DIAPH3: variants seen among roughly 807,000 people sequenced by gnomAD.
DIAPH3 encodes the protein diaphanous related formin 3.
Under a neutral mutation model 144.3 loss-of-function variants are expected in DIAPH3, and 117 were observed. The ratio of observed to expected loss-of-function variants is 0.81; its 90% CI spans 0.70 to 0.95. The LOEUF (loss-of-function observed/expected upper bound fraction) is 0.95, where lower values mean the gene tolerates loss of function less well. Ranked by LOEUF, DIAPH3 falls within the 40% of genes least tolerant of loss-of-function variation. DIAPH3 has a pLI of 0.00. For missense variants in DIAPH3, 1,421 were observed against 1,412.7 expected (o/e 1.01, Z -0.09); for synonymous variants, 519 against 488.9 (o/e 1.06, Z -0.81).
chr13:59,938,287 G>A (rs1444295133), intron 17 of DIAPH3, among the ~76,000 whole-genome samples: 1 of 152,058 alleles, frequency 6.6e-6, no homozygotes, highest in East Asian at 1.9e-4. Context: ...CTTCTGGCTG[G>A]AGCTTGTGTT....
intron 20 of DIAPH3, among the ~76,000 whole-genome samples, chr13:59,881,164 T>A (rs1566460032): frequency 6.6e-6 from 1 of 151,798 alleles, no homozygotes; most frequent in African/African-American, 2.4e-5. Context: ...ATATTATATT[T>A]TAAGACAGAT....
Position 59,969,250 on chromosome 13 carries a change from C to T in DIAPH3, c.2074+694G>A, listed in dbSNP as rs1358621335. 3.9e-5 allele frequency among the ~76,000 whole-genome samples: 6 copies of T among 152,172 alleles called. No individual in the cohort carries two copies. The East Asian group carries it at 1.2e-3, about 29-fold the overall frequency. On this transcript the variant is annotated intron_variant, in intron 17 of 27. Coordinates refer to ENST00000400324, the MANE Select transcript of DIAPH3 (RefSeq NM_001042517.2). ...CACAAAACATTTTGGAAAATGAATG[C>T]CATTGCTTTTAATGAAAAGATCATA...
At chr13:59,939,551 TAA>T (rs1221848393) in intron 17 of DIAPH3, among the ~76,000 whole-genome samples, 2 of 152,150 alleles carry the variant, frequency 1.3e-5, no homozygotes, top group Non-Finnish European at 2.9e-5. Context: ...CTTTGTCGCA[TAA>T]AGACAGGTGG....
intron 27 of DIAPH3, among the ~76,000 whole-genome samples, chr13:59,715,225 C>T (rs2034988429): frequency 6.6e-6 from 1 of 152,122 alleles, no homozygotes; most frequent in African/African-American, 2.4e-5. Flanking sequence ...AAGAATAATT[C>T]AGAATTCACC....
intron 9 of DIAPH3, among the ~76,000 whole-genome samples, chr13:60,003,490 C>T (rs2052646695): frequency 6.6e-6 from 1 of 150,406 alleles, no homozygotes. Flanking sequence ...TACTTTCTTT[C>T]CTGATAATAT....
chr13:59,908,773 T>C (rs1422445918), intron 20 of DIAPH3, among the ~76,000 whole-genome samples: 2 of 152,184 alleles, frequency 1.3e-5, no homozygotes, highest in Non-Finnish European at 2.9e-5. Context: ...TTTTAACTAA[T>C]TTTTGTTCAA....
intron 27 of DIAPH3, among the ~76,000 whole-genome samples, chr13:59,712,201 CA>C (rs2034786278): frequency 6.6e-6 from 1 of 152,214 alleles, no homozygotes; most frequent in African/African-American, 2.4e-5. Flanking sequence ...GAAGATACAT[CA>C]TTAGGATGAC....
intron 14 of DIAPH3, 125 bp downstream of exon 14, chr13:59,980,670 G>A (rs1383607599): frequency 2.9e-5 from 24 of 828,032 alleles, no homozygotes; most frequent in Non-Finnish European, 4.2e-5. Flanking sequence ...TTGGTGGAGG[G>A]CATCTATGCA....
At chr13:59,928,696 G>A (rs1383421184) in intron 17 of DIAPH3, among the ~76,000 whole-genome samples, 2 of 152,144 alleles carry the variant, frequency 1.3e-5, no homozygotes, top group Non-Finnish European at 2.9e-5. Context: ...GTTGTTTGTG[G>A]AGGCTTTGGT....
intron 20 of DIAPH3, among the ~76,000 whole-genome samples, chr13:59,894,171 G>A (rs1451597620): frequency 2.0e-5 from 3 of 151,972 alleles, no homozygotes; most frequent in Middle Eastern, 3.4e-3. Flanking sequence ...AAGTATACCC[G>A]TTGCTATTGT....
At chr13:59,794,044 A>G (rs1411722290) in intron 25 of DIAPH3, among the ~76,000 whole-genome samples, 4 of 152,238 alleles carry the variant, frequency 2.6e-5, no homozygotes, top group Admixed American at 6.5e-5. Context: ...TCTGTATTCA[A>G]TAAATTACAT....
Position 60,132,949 on chromosome 13 carries a change from A to G in DIAPH3, c.213+8T>C, listed in dbSNP as rs764254098. 1 of 1,605,658 alleles carries G rather than the reference A, an allele frequency of 6.2e-7. No homozygotes were observed. The highest frequency in any genetic ancestry group is 8.5e-7 in the Non-Finnish European group (1 of 1,173,114). The stretch of plus-strand genomic sequence containing the variant: ...TCATAACAAAGGAAAAGTTGAGGAT[A>G]ATCTTACCATATCATCCGTCAGTGT... On this transcript the variant is annotated splice_region_variant and intron_variant, in intron 2 of 27. Transcript: ENST00000400324.
At chr13:60,145,472 C>A (rs961393076) in intron 1 of DIAPH3, among the ~76,000 whole-genome samples, 1 of 152,076 alleles carries the variant, frequency 6.6e-6, no homozygotes, top group Non-Finnish European at 1.5e-5. Context: ...ACAGTGAAAC[C>A]CCGTCTCTAC....
intron 27 of DIAPH3, among the ~76,000 whole-genome samples, chr13:59,771,426 C>T (rs1343040846): frequency 6.6e-6 from 1 of 151,758 alleles, no homozygotes; most frequent in African/African-American, 2.4e-5. Context: ...ATAATTAATT[C>T]CAGATTATTT....
intron 27 of DIAPH3, among the ~76,000 whole-genome samples, chr13:59,681,190 G>A (rs147333627): frequency 1.3e-3 from 191 of 152,264 alleles, no homozygotes; most frequent in African/African-American, 4.1e-3. Context: ...ACAAAATGCC[G>A]GGCTCAGTGG....
chr13:59,752,399 G>A (rs922265313), intron 27 of DIAPH3, among the ~76,000 whole-genome samples: 1 of 144,060 alleles, frequency 6.9e-6, no homozygotes, highest in Non-Finnish European at 1.5e-5. Flanking sequence ...ACACAGTCTC[G>A]CTCTGTCACC....
chr13:59,950,704 C>A (rs149039348), intron 17 of DIAPH3, among the ~76,000 whole-genome samples: 669 of 152,128 alleles, frequency 4.4e-3, no homozygotes, highest in Non-Finnish European at 7.1e-3. Context: ...TTCTAATTAT[C>A]CCAATTAAAA....
At chr13:60,136,631 T>C (rs191580770) in intron 1 of DIAPH3, among the ~76,000 whole-genome samples, 2 of 152,266 alleles carry the variant, frequency 1.3e-5, no homozygotes, top group African/African-American at 2.4e-5. Context: ...ATAAAACTCA[T>C]GATTTTAAAT....
At position 60,163,914 on chromosome 13, in the gene DIAPH3, G is replaced by T; in HGVS notation, c.-148C>A. ...TAGCCCAACCGCTGAAGTCGGGGCC[G>T]CAGCCAACACATCTGAAAACTCCCG... On this transcript the variant is annotated 5_prime_UTR_variant, in exon 1 of 28. Coordinates refer to ENST00000400324, the MANE Select transcript of DIAPH3 (RefSeq NM_001042517.2). 9.7e-7 allele frequency: 1 copy of T among 1,033,028 alleles called. No homozygotes were observed. Among genetic ancestry groups the T allele is most frequent in the Non-Finnish European group, 1.4e-6 (1 of 732,496 alleles). The allele number at this position is 1,033,028 out of a possible 1,614,324, so 64.0% of individuals were successfully genotyped here. A position where few individuals can be genotyped will look rare whatever the true frequency, so the allele number is the denominator to read the frequency against.
Sources: allele counts gnomAD v4.1 joint callset (sites outside exome capture counted in the v4.1 genomes callset), GRCh38; gene constraint gnomAD v4.1.1; transcripts MANE v1.5; gene names NCBI Gene and HGNC (gene_info 2026-07-23, HGNC 2026-07-21).